COL25A1: variants seen among roughly 807,000 people sequenced by gnomAD.
The protein encoded by COL25A1 is collagen alpha-1(XXV) chain.
A neutral mutation model predicts 128.4 loss-of-function variants in COL25A1; 103 were observed. That is an observed-to-expected ratio of 0.80 (90% CI 0.68 to 0.94). COL25A1 has a LOEUF of 0.94. COL25A1 is among the 40% of genes least tolerant of loss of function. The pLI, the probability that COL25A1 is intolerant of heterozygous loss-of-function variation, is 0.00. For synonymous variants in COL25A1, 279 were observed against 277.2 expected, an observed-to-expected ratio of 1.01 and a Z score of -0.06; for missense variants, 745 against 840.0, an observed-to-expected ratio of 0.89 and a Z score of 1.40.
At chr4:109,073,690 C>T (rs1007015405) in intron 3 of COL25A1, among the ~76,000 whole-genome samples, 2 of 152,134 alleles carry the variant, frequency 1.3e-5, no homozygotes, top group African/African-American at 4.8e-5. Flanking sequence ...CATATCTTTC[C>T]TGGCTGCTTT....
At position 108,812,459 on chromosome 4, in the gene COL25A1, A is replaced by C. The variant is rs960053398; in HGVS notation, c.*1468T>G. ...AGTCAAAACTACTTAAAAATGCATA[A>C]CTTTCATGCTTTACAATGATTAGAC... On this transcript the variant is annotated 3_prime_UTR_variant, in exon 38 of 38. Transcript: ENST00000399132. 5 of 152,194 alleles carry C rather than the reference A, an allele frequency of 3.3e-5. No homozygotes were observed. Among genetic ancestry groups the C allele is most frequent in the Non-Finnish European group, 5.9e-5 (4 of 68,030 alleles). The allele number at this position is 152,194 out of a possible 1,614,324, so 9.4% of individuals were successfully genotyped here.
At chr4:109,251,568 C>G (rs1780649314) in intron 3 of COL25A1, among the ~76,000 whole-genome samples, 1 of 152,192 alleles carries the variant, frequency 6.6e-6, no homozygotes, top group Non-Finnish European at 1.5e-5. Context: ...CACAGTAACT[C>G]CCTTCTTTGC....
intron 3 of COL25A1, among the ~76,000 whole-genome samples, chr4:109,195,344 T>C (rs780547187): frequency 1.3e-5 from 2 of 152,176 alleles, no homozygotes; most frequent in Non-Finnish European, 2.9e-5. Context: ...TTTATTTCAT[T>C]GAAATACTGT....
Position 108,949,468 on chromosome 4 carries a change from C to T in COL25A1, c.493-8031G>A, listed in dbSNP as rs371817308. ...CCCACCCAATTGTAAGTGGCAGAGC[C>T]AAGAGTCACCCCCTGACAACCTGCT... is the stretch of plus-strand genomic sequence containing the variant. On this transcript the variant is annotated intron_variant, in intron 8 of 37. Coordinates refer to ENST00000399132, the MANE Select transcript of COL25A1 (RefSeq NM_198721.4). Among the ~76,000 whole-genome samples, 9 of 152,086 alleles carry T rather than the reference C, an allele frequency of 5.9e-5. No individual in the cohort carries two copies. In the East Asian group the frequency reaches 1.6e-3, roughly 26 times the overall value.
chr4:108,945,717 G>A (rs1392484664), intron 8 of COL25A1, among the ~76,000 whole-genome samples: 1 of 152,174 alleles, frequency 6.6e-6, no homozygotes, highest in African/African-American at 2.4e-5. Flanking sequence ...AGGCTGGAGT[G>A]TAGTGGCGCG....
intron 3 of COL25A1, among the ~76,000 whole-genome samples, chr4:109,157,822 T>A (rs2704114): frequency 0.62 from 94,314 of 152,062 alleles, 29,848 homozygotes; most frequent in East Asian, 0.75. Flanking sequence ...GAAACGAGAC[T>A]CTAGGCTATT....
chr4:108,817,155 C>T (rs1731323341), intron 37 of COL25A1, among the ~76,000 whole-genome samples: 1 of 152,220 alleles, frequency 6.6e-6, no homozygotes, highest in African/African-American at 2.4e-5. Context: ...GGATGCACTG[C>T]CCCTTTCCAT....
At chr4:108,824,787 T>G (rs1198284568) in intron 34 of COL25A1, among the ~76,000 whole-genome samples, 1 of 152,186 alleles carries the variant, frequency 6.6e-6, no homozygotes, top group Non-Finnish European at 1.5e-5. Flanking sequence ...ATAAGATATA[T>G]AGGGACTAAA....
At chr4:109,248,210 C>A (rs1780408487) in intron 3 of COL25A1, among the ~76,000 whole-genome samples, 1 of 151,938 alleles carries the variant, frequency 6.6e-6, no homozygotes, top group Non-Finnish European at 1.5e-5. Context: ...TAATTTGAAA[C>A]CTTTTATTCT....
intron 5 of COL25A1, among the ~76,000 whole-genome samples, chr4:109,038,587 T>C (rs1262616388): frequency 1.3e-5 from 2 of 152,200 alleles, no homozygotes; most frequent in African/African-American, 2.4e-5. Context: ...TGCAGGAACA[T>C]GTGCATTCGA....
intron 3 of COL25A1, among the ~76,000 whole-genome samples, chr4:109,248,507 G>A (rs974270118): frequency 1.3e-5 from 2 of 152,106 alleles, no homozygotes; most frequent in South Asian, 4.1e-4. Context: ...TACTCTGCTT[G>A]CCTCCGCTGA....
chr4:109,084,001 T>G (rs576774678), intron 3 of COL25A1, among the ~76,000 whole-genome samples: 36 of 152,220 alleles, frequency 2.4e-4, no homozygotes, highest in Non-Finnish European at 5.1e-4. Context: ...CATTTTGTTT[T>G]GTTTTAAGAA....
chr4:108,851,222 G>A (rs1489092531), intron 26 of COL25A1, among the ~76,000 whole-genome samples: 1 of 152,098 alleles, frequency 6.6e-6, no homozygotes, highest in Non-Finnish European at 1.5e-5. Flanking sequence ...TTAGGGACCA[G>A]AATGTGCTGG....
intron 13 of COL25A1, among the ~76,000 whole-genome samples, chr4:108,916,804 A>C (rs1443074545): frequency 6.6e-6 from 1 of 152,144 alleles, no homozygotes; most frequent in Non-Finnish European, 1.5e-5. Context: ...CATTTTACTA[A>C]GTGGAAAATG....
intron 3 of COL25A1, among the ~76,000 whole-genome samples, chr4:109,086,759 C>T (rs961441091): frequency 6.6e-6 from 1 of 152,274 alleles, no homozygotes; most frequent in South Asian, 2.1e-4. Flanking sequence ...CTGGCTAAGT[C>T]TTCTTGGAAG....
chr4:109,262,608 C>T (rs1204856049), intron 3 of COL25A1, among the ~76,000 whole-genome samples: 2 of 152,034 alleles, frequency 1.3e-5, no homozygotes, highest in African/African-American at 4.8e-5. Context: ...TGTTAAGAAC[C>T]ATTCCTTTCA....
chr4:108,856,777 G>A (rs1377208), intron 24 of COL25A1, among the ~76,000 whole-genome samples: 6 of 152,034 alleles, frequency 3.9e-5, no homozygotes, highest in East Asian at 1.9e-4. Flanking sequence ...GAAGTATATC[G>A]TTTCATATTG....
At chr4:109,026,129 CACACACATAT>C (rs1758251245) in intron 5 of COL25A1, among the ~76,000 whole-genome samples, 1 of 151,746 alleles carries the variant, frequency 6.6e-6, no homozygotes, top group South Asian at 2.1e-4. Flanking sequence ...CACACACACA[CACACACATAT>C]ACTCTTAAAT....
At chr4:108,825,470 G>C (rs1578460395) in intron 33 of COL25A1, among the ~76,000 whole-genome samples, 1 of 152,192 alleles carries the variant, frequency 6.6e-6, no homozygotes, top group Non-Finnish European at 1.5e-5. Context: ...TAAGTTATCA[G>C]TCCAGGAGTT....
Sources: gnomAD v4.1 joint callset for allele counts (sites outside exome capture counted in the v4.1 genomes callset) on GRCh38, gnomAD v4.1.1 for gene constraint, MANE v1.5 for transcripts, NCBI Gene and HGNC (gene_info 2026-07-23, HGNC 2026-07-21) for gene names.